Variants in BANK1 observed in about 807,000 individuals in gnomAD.
BANK1 encodes the protein B-cell scaffold protein with ankyrin repeats.
In BANK1, 95 loss-of-function variants were observed where a neutral mutation model predicts 94.5. That is an observed-to-expected ratio of 1.00 (90% CI 0.85 to 1.19). The LOEUF is 1.19. BANK1 is among the 50% of genes most tolerant of loss of function. BANK1 has a pLI of 0.00. For missense variants in BANK1, 987 were observed against 932.2 expected (o/e 1.06, Z -0.77); for synonymous variants, 334 against 308.4 (o/e 1.08, Z -0.87).
intron 10 of BANK1, among the ~76,000 whole-genome samples, chr4:102,041,089 T>G (rs1727687968): frequency 6.6e-6 from 1 of 152,120 alleles, no homozygotes; most frequent in African/African-American, 2.4e-5. Flanking sequence ...TACTTTTGTA[T>G]ATAAATCTGA....
chr4:101,858,984 C>T (rs983267279), intron 3 of BANK1, among the ~76,000 whole-genome samples: 2 of 152,120 alleles, frequency 1.3e-5, no homozygotes, highest in African/African-American at 4.8e-5. Context: ...GAATGTAACT[C>T]TTAAAGGCCA....
At chr4:101,988,215 C>T (rs973207479) in intron 7 of BANK1, among the ~76,000 whole-genome samples, 6 of 152,084 alleles carry the variant, frequency 3.9e-5, no homozygotes, top group Admixed American at 2.6e-4. Context: ...TCTCAAATCC[C>T]GTGGTATTGT....
chr4:101,917,846 A>G, intron 6 of BANK1, 147 bp from the exon 7 acceptor site: 1 of 470,194 alleles, frequency 2.1e-6, no homozygotes, highest in Non-Finnish European at 3.8e-6. Flanking sequence ...GGAAGATTCT[A>G]AATTTCTAGA....
At chr4:102,048,715 CA>C (rs2148958598) in intron 11 of BANK1, among the ~76,000 whole-genome samples, 1 of 152,230 alleles carries the variant, frequency 6.6e-6, no homozygotes, top group African/African-American at 2.4e-5. Flanking sequence ...TGATGAGAGC[CA>C]ACTGTTTTCC....
chr4:101,849,144 C>T (rs1727372190), intron 2 of BANK1, among the ~76,000 whole-genome samples: 1 of 152,184 alleles, frequency 6.6e-6, no homozygotes, highest in South Asian at 2.1e-4. Flanking sequence ...GTCATTACTT[C>T]CTGGAGTCTC....
chr4:101,870,085 A>AT (rs33996598), intron 4 of BANK1, among the ~76,000 whole-genome samples: 4 of 143,242 alleles, frequency 2.8e-5, no homozygotes, highest in Non-Finnish European at 5.9e-5. Context: ...TCAAATTACT[A>AT]TTTTTGAGAC....
At chr4:101,813,762 G>A (rs566547397) in intron 1 of BANK1, 58 of 468,216 alleles carry the variant, frequency 1.2e-4, no homozygotes, top group African/African-American at 9.9e-4. Flanking sequence ...ATAGGCCGCA[G>A]GAGGCCTTGG....
intron 5 of BANK1, among the ~76,000 whole-genome samples, chr4:101,887,314 A>G (rs1427294840): frequency 1.3e-5 from 2 of 152,240 alleles, no homozygotes; most frequent in Admixed American, 1.3e-4. Flanking sequence ...TTTAAAAGTT[A>G]TGCGTTATTT....
intron 3 of BANK1, among the ~76,000 whole-genome samples, chr4:101,859,838 A>G (rs1727803503): frequency 6.6e-6 from 1 of 152,222 alleles, no homozygotes; most frequent in South Asian, 2.1e-4. Flanking sequence ...GAAAATAAAA[A>G]CACCCTTAGG....
chr4:101,861,563 G>C (rs1415489339), intron 3 of BANK1, among the ~76,000 whole-genome samples: 2 of 152,010 alleles, frequency 1.3e-5, no homozygotes, highest in South Asian at 2.1e-4. Flanking sequence ...GTGTGGATTT[G>C]GAAATTAAAT....
At chr4:101,889,163 G>A (rs1050060664) in intron 5 of BANK1, among the ~76,000 whole-genome samples, 43 of 151,874 alleles carry the variant, frequency 2.8e-4, no homozygotes, top group African/African-American at 9.4e-4. Flanking sequence ...CAAGGACTTG[G>A]TTCATTTCAT....
At chr4:101,959,738 G>A (rs570247643) in intron 7 of BANK1, among the ~76,000 whole-genome samples, 1 of 152,150 alleles carries the variant, frequency 6.6e-6, no homozygotes, top group Non-Finnish European at 1.5e-5. Context: ...GCTCTCCCAG[G>A]GTTTCTTTGA....
intron 2 of BANK1, among the ~76,000 whole-genome samples, chr4:101,837,985 G>A (rs983049828): frequency 2.3e-5 from 3 of 131,070 alleles, no homozygotes; most frequent in Non-Finnish European, 4.5e-5. Flanking sequence ...TTTGAGACAG[G>A]GTCTTGCTCT....
chr4:101,800,947 G>A (rs910701113), intron 1 of BANK1, among the ~76,000 whole-genome samples: 10 of 152,052 alleles, frequency 6.6e-5, no homozygotes, highest in Non-Finnish European at 1.3e-4. Context: ...TAGTAGAGAC[G>A]GGGTTTCACC....
In BANK1 at chr4:101,899,421, G is replaced by A. The variant is rs574019038; in HGVS notation, c.1009+4011G>A. ...ATACAACCCACAAGTACAAATTTTCGCATCTCTTGCCAATAATAATTTTAG... is the reference window on the plus strand; with the variant it reads ...ATACAACCCACAAGTACAAATTTTCACATCTCTTGCCAATAATAATTTTAG... On this transcript the variant is annotated intron_variant, in intron 6 of 16. Coordinates refer to ENST00000322953, the MANE Select transcript of BANK1 (RefSeq NM_017935.5). Among the ~76,000 whole-genome samples, 12 of 151,948 alleles carry A rather than the reference G, an allele frequency of 7.9e-5. No homozygotes were observed. In the East Asian group the frequency reaches 1.5e-3, roughly 20 times the overall value.
rs199703882 is a variant in BANK1 at position 102,025,457 on chromosome 4, G to C, written c.1542G>C (p.Pro514=). 8 of 1,613,860 alleles carry C rather than the reference G, an allele frequency of 5.0e-6. No homozygotes were observed. Among genetic ancestry groups the C allele is most frequent in the Non-Finnish European group, 8.5e-7 (1 of 1,180,004 alleles). Residue 514 remains proline (P), a synonymous_variant, in exon 9 of 17, where the codon CCG becomes CCC. Coordinates refer to ENST00000322953, the MANE Select transcript of BANK1 (RefSeq NM_017935.5). ...GCAGCAGACCTCCTCTCCCCCCGCC[G>C]CGACCTGTAGCTAATGCCTTCCAAC... The part of the protein sequence containing the change: ...LMSSRPPLPP[P]RPVANAFQLE...
intron 7 of BANK1, among the ~76,000 whole-genome samples, chr4:101,940,045 C>T (rs1241255465): frequency 6.6e-6 from 1 of 151,620 alleles, no homozygotes; most frequent in Non-Finnish European, 1.5e-5. Flanking sequence ...CTACATAGAG[C>T]TCATTCATCT....
intron 2 of BANK1, among the ~76,000 whole-genome samples, chr4:101,840,029 C>A (rs1194062579): frequency 1.8e-5 from 2 of 112,510 alleles, no homozygotes; most frequent in African/African-American, 6.6e-5. Flanking sequence ...AGTGCAGTGG[C>A]GGGATCTCGG....
chr4:101,831,814 CA>C (rs1369258020), intron 2 of BANK1, among the ~76,000 whole-genome samples: 1 of 152,156 alleles, frequency 6.6e-6, no homozygotes, highest in African/African-American at 2.4e-5. Context: ...TAAATTTTAG[CA>C]ACTTATACAT....
Sources: allele counts gnomAD v4.1 joint callset (sites outside exome capture counted in the v4.1 genomes callset), GRCh38; gene constraint gnomAD v4.1.1; transcripts MANE v1.5; gene names NCBI Gene and HGNC (gene_info 2026-07-23, HGNC 2026-07-21).